The following KCNQ3 variants were observed in gnomAD, a reference collection of about 807,000 sequenced individuals.
The protein encoded by KCNQ3 is potassium voltage-gated channel subfamily Q member 3.
In KCNQ3, 30 loss-of-function variants were observed where a neutral mutation model predicts 92.5. The observed-to-expected ratio is 0.32, with a 90% CI of 0.24 to 0.44. KCNQ3 has a LOEUF of 0.44. KCNQ3 is among the 20% of genes least tolerant of loss of function. KCNQ3 has a pLI of 1.00. For synonymous variants in KCNQ3, 450 were observed against 468.8 expected, an observed-to-expected ratio of 0.96 and a Z score of 0.52; for missense variants, 913 against 1,140.3, an observed-to-expected ratio of 0.80 and a Z score of 2.87.
In KCNQ3 at chr8:132,121,967, G is replaced by A. The variant is rs2130911666; in HGVS notation, c.*7295C>T. On this transcript the variant is annotated 3_prime_UTR_variant, in exon 15 of 15. Coordinates refer to ENST00000388996, the MANE Select transcript of KCNQ3 (RefSeq NM_004519.4). ...CTCAAAGGACCTGCTGAACAGACAA[G>A]AGGAACAGCTGACCCAGGCATCACT... is the stretch of plus-strand genomic sequence containing the variant. 3 of 152,324 alleles carry A rather than the reference G, an allele frequency of 2.0e-5. No homozygotes were observed. The highest frequency in any genetic ancestry group is 4.4e-5 in the Non-Finnish European group (3 of 68,020). 9.4% of individuals were successfully genotyped at this position (152,324 alleles called of 1,614,324 possible). A position where few individuals can be genotyped will look rare whatever the true frequency, so the allele number is the denominator to read the frequency against.
chr8:132,220,108 T>G (rs999255997), intron 1 of KCNQ3, among the ~76,000 whole-genome samples: 4 of 152,212 alleles, frequency 2.6e-5, no homozygotes, highest in African/African-American at 9.7e-5. Context: ...GGTGGGTTTA[T>G]TTATTGGCAG....
At chr8:132,425,717 A>T (rs1821091743) in intron 1 of KCNQ3, among the ~76,000 whole-genome samples, 2 of 152,170 alleles carry the variant, frequency 1.3e-5, no homozygotes, top group South Asian at 4.1e-4. Context: ...AAGGCTTAAG[A>T]TCCTCCGGCA....
rs1488490804 is a variant in KCNQ3 at position 132,201,048 on chromosome 8, G to A, written c.387-14867C>T. 2.6e-5 allele frequency among the ~76,000 whole-genome samples: 4 copies of A among 152,324 alleles called. No individual in the cohort carries two copies. The East Asian group carries it at 7.7e-4, about 29-fold the overall frequency. ...TACCACATAGCTAGAGAGCAGGTGA[G>A]CAAGAGAGTAAGAGGGGGCCAAACT... On this transcript the variant is annotated intron_variant, in intron 1 of 14. Transcript: ENST00000388996.
At chr8:132,206,527 C>T (rs992535928) in intron 1 of KCNQ3, among the ~76,000 whole-genome samples, 2 of 152,150 alleles carry the variant, frequency 1.3e-5, no homozygotes, top group African/African-American at 4.8e-5. Context: ...CAGTCATATA[C>T]GAGGTTTACA....
In KCNQ3 at chr8:132,366,268, A is replaced by G. The variant is rs141873104; in HGVS notation, c.386+113879T>C. On this transcript the variant is annotated intron_variant, in intron 1 of 14. Transcript: ENST00000388996. ...CTTGGTAAACAGTTTTACCATTACTATGGTAAATTGTATATCGATTTCTAT... is the reference window on the plus strand; with the variant it reads ...CTTGGTAAACAGTTTTACCATTACTGTGGTAAATTGTATATCGATTTCTAT... 4.2e-3 allele frequency among the ~76,000 whole-genome samples: 645 copies of G among 152,210 alleles called. 1 individual carries two copies. Among genetic ancestry groups the G allele is most frequent in the Non-Finnish European group, 6.2e-3 (421 of 68,008 alleles).
Position 132,141,151 on chromosome 8 carries a change from G to A in KCNQ3, c.1443C>T (p.Tyr481=), listed in dbSNP as rs200812594. The change falls in exon 10 of 15, where the codon TAC becomes TAT. Residue 481 remains tyrosine, a synonymous_variant. Coordinates refer to ENST00000388996, the MANE Select transcript of KCNQ3 (RefSeq NM_004519.4). The part of the protein sequence containing the change: ...RFRTAFRMKA[Y]AFWQSSEDAG... ...TACCTTCAGAACTCTGCCAGAAAGC[G>A]TAGGCTTTCATGCGGAAGGCCGTGC... The A allele has an allele frequency of 6.2e-6, 10 of 1,614,042 alleles. No homozygotes were observed. Among genetic ancestry groups the A allele is most frequent in the African/African-American group, 4.0e-5 (3 of 75,048 alleles).
chr8:132,289,558 T>C (rs1275309121), intron 1 of KCNQ3, among the ~76,000 whole-genome samples: 1 of 152,098 alleles, frequency 6.6e-6, no homozygotes, highest in Non-Finnish European at 1.5e-5. Context: ...TTCCTCAATG[T>C]CTCTCACCTA....
chr8:132,206,956 C>A (rs998778292), intron 1 of KCNQ3, among the ~76,000 whole-genome samples: 1 of 152,110 alleles, frequency 6.6e-6, no homozygotes, highest in Non-Finnish European at 1.5e-5. Flanking sequence ...AAAGCATAAA[C>A]AGTCTTCCAC....
intron 1 of KCNQ3, among the ~76,000 whole-genome samples, chr8:132,285,665 A>G (rs1009619617): frequency 6.6e-6 from 1 of 152,240 alleles, no homozygotes; most frequent in African/African-American, 2.4e-5. Flanking sequence ...GGTGTGGCCC[A>G]GAGACTGTTT....
At chr8:132,165,024 C>T (rs1442222396) in intron 8 of KCNQ3, among the ~76,000 whole-genome samples, 1 of 152,196 alleles carries the variant, frequency 6.6e-6, no homozygotes, top group Non-Finnish European at 1.5e-5. Context: ...TCTCTCTCCT[C>T]TAGTCTTTCC....
At chr8:132,355,429 G>A (rs1818992903) in intron 1 of KCNQ3, among the ~76,000 whole-genome samples, 1 of 152,000 alleles carries the variant, frequency 6.6e-6, no homozygotes, top group South Asian at 2.1e-4. Flanking sequence ...CCTGACCCAA[G>A]CTGAGCCAAT....
chr8:132,339,921 T>G (rs1341679135), intron 1 of KCNQ3, among the ~76,000 whole-genome samples: 1 of 149,864 alleles, frequency 6.7e-6, no homozygotes, highest in Non-Finnish European at 1.5e-5. Context: ...GCCTTCTCTG[T>G]AAAGAAATTT....
intron 9 of KCNQ3, among the ~76,000 whole-genome samples, chr8:132,150,218 T>G (rs1825593887): frequency 6.6e-6 from 1 of 152,232 alleles, no homozygotes; most frequent in Admixed American, 6.5e-5. Flanking sequence ...TTGCACGTCT[T>G]TCTGTATGGC....
Position 132,390,114 on chromosome 8 carries a change from T to C in KCNQ3, c.386+90033A>G, listed in dbSNP as rs535698200. On this transcript the variant is annotated intron_variant, in intron 1 of 14. Coordinates refer to ENST00000388996, the MANE Select transcript of KCNQ3 (RefSeq NM_004519.4). The stretch of plus-strand genomic sequence containing the variant: ...CTAGAGCTACATGCAACAACATGGA[T>C]ACAACTCACAAACGTAAGACTTAGT... 5.4e-4 allele frequency among the ~76,000 whole-genome samples: 82 copies of C among 152,318 alleles called. 1 individual carries two copies. The highest frequency in any genetic ancestry group is 2.0e-3 in the African/African-American group (82 of 41,556).
Position 132,249,244 on chromosome 8 carries a change from G to C in KCNQ3, c.387-63063C>G, listed in dbSNP as rs1189116145. ...TTGCCACTGCCAGCTGGGGCAGCCT[G>C]CTTTTATTCCCTTATCTGGCCCCAC... On this transcript the variant is annotated intron_variant, in intron 1 of 14. Coordinates refer to ENST00000388996, the MANE Select transcript of KCNQ3 (RefSeq NM_004519.4). Among the ~76,000 whole-genome samples, 4 of 152,176 alleles carry C rather than the reference G, an allele frequency of 2.6e-5. No homozygotes were observed. The South Asian group carries it at 8.3e-4, about 32-fold the overall frequency.
intron 1 of KCNQ3, among the ~76,000 whole-genome samples, chr8:132,465,994 T>C (rs1237444972): frequency 1.3e-5 from 2 of 152,078 alleles, no homozygotes; most frequent in Admixed American, 6.5e-5. Context: ...TGGTGAAAAT[T>C]ACAAATATGT....
At chr8:132,177,504 C>T (rs1309156784) in intron 4 of KCNQ3, among the ~76,000 whole-genome samples, 4 of 152,152 alleles carry the variant, frequency 2.6e-5, no homozygotes, top group Non-Finnish European at 4.4e-5. Context: ...AGGTTCCTTT[C>T]CCCTGCCTTG....
At chr8:132,175,323 ATT>A in intron 5 of KCNQ3, 128 bp downstream of exon 5, 6 of 1,016,166 alleles carry the variant, frequency 5.9e-6, no homozygotes, top group Non-Finnish European at 7.7e-6. Flanking sequence ...CTGAGCTGAA[ATT>A]GGTCTAGAGC....
chr8:132,178,996 T>G (rs369279645), intron 4 of KCNQ3, among the ~76,000 whole-genome samples: 103 of 136,546 alleles, frequency 7.5e-4, no homozygotes, highest in African/African-American at 2.8e-3. Flanking sequence ...CCTACCAGGG[T>G]GGGTGCAAAA....
Sources: gnomAD v4.1 joint callset for allele counts (sites outside exome capture counted in the v4.1 genomes callset) on GRCh38, gnomAD v4.1.1 for gene constraint, MANE v1.5 for transcripts, NCBI Gene and HGNC (gene_info 2026-07-23, HGNC 2026-07-21) for gene names.